The following ULK4 variants were observed in gnomAD, a reference collection of about 807,000 sequenced individuals.
ULK4 encodes inactive serine/threonine-protein kinase ULK4.
In ULK4, 133 loss-of-function variants were observed where a neutral mutation model predicts 160.6. That is an observed-to-expected ratio of 0.83 (90% confidence interval 0.72 to 0.96). ULK4 has a LOEUF of 0.96. ULK4 is among the 40% of genes least tolerant of loss of function. The pLI is 0.00. For synonymous variants in ULK4, 534 were observed against 539.8 expected, an observed-to-expected ratio of 0.99 and a Z score of 0.15; for missense variants, 1,580 against 1,499.5, an observed-to-expected ratio of 1.05 and a Z score of -0.89.
At chr3:41,369,293 G>C (rs900640357) in intron 35 of ULK4, among the ~76,000 whole-genome samples, 1 of 152,110 alleles carries the variant, frequency 6.6e-6, no homozygotes. Flanking sequence ...CCAGGAGTTC[G>C]AGACCTGGAC....
At chr3:41,835,792 G>T in intron 18 of ULK4, 72 bp downstream of exon 18, 1 of 1,154,436 alleles carries the variant, frequency 8.7e-7, no homozygotes, top group Non-Finnish European at 1.2e-6. Flanking sequence ...ACTTTTATAG[G>T]ATATTAATAC....
chr3:41,841,204 C>CACCT (rs2041914363), intron 17 of ULK4, among the ~76,000 whole-genome samples: 1 of 147,044 alleles, frequency 6.8e-6, no homozygotes, highest in Admixed American at 6.7e-5. Flanking sequence ...CCGGCCGCCC[C>CACCT]GCCTGGGAGG....
intron 35 of ULK4, among the ~76,000 whole-genome samples, chr3:41,390,382 T>C (rs1029634702): frequency 6.6e-6 from 1 of 152,186 alleles, no homozygotes; most frequent in Non-Finnish European, 1.5e-5. Flanking sequence ...TCTGCTCTGA[T>C]CTTAGTTATT....
At position 41,883,914 on chromosome 3, in the gene ULK4, GA is replaced by G. The variant is rs1559627901; in HGVS notation, c.1615del (p.Ser539ArgfsTer19). On this transcript the variant is annotated frameshift_variant, in exon 17 of 37. Transcript: ENST00000301831. LOFTEE classifies it high-confidence loss of function. Reference sequence around the variant, plus strand: ...ATTTTCCTGGAGCTCAGCTGTGTGCGAAGCCAGTAAACCAATTACGTGAGCA... The same window carrying G: ...ATTTTCCTGGAGCTCAGCTGTGTGCGAGCCAGTAAACCAATTACGTGAGCA... ...KVAHVIGLLA[S>X]HTAELQENTP... 1.2e-6 allele frequency: 2 copies of G among 1,610,652 alleles called. No homozygotes were observed. Among genetic ancestry groups the G allele is most frequent in the Non-Finnish European group, 8.5e-7 (1 of 1,176,772 alleles).
At chr3:41,340,222 A>G (rs2125749623) in intron 35 of ULK4, among the ~76,000 whole-genome samples, 1 of 152,364 alleles carries the variant, frequency 6.6e-6, no homozygotes, top group East Asian at 1.9e-4. Context: ...AGAGAGAAAA[A>G]TAGTTTTATT....
intron 18 of ULK4, among the ~76,000 whole-genome samples, chr3:41,830,333 T>G (rs9831404): frequency 0.25 from 38,649 of 151,880 alleles, 6,096 homozygotes; most frequent in African/African-American, 0.45. Context: ...TTACTCTCTA[T>G]ATCTACTTTT....
chr3:41,891,892 G>T (rs141118157), intron 16 of ULK4, among the ~76,000 whole-genome samples: 1 of 152,078 alleles, frequency 6.6e-6, no homozygotes, highest in African/African-American at 2.4e-5. Context: ...GTGACTGAGC[G>T]AGACTCCGTC....
At chr3:41,433,671 C>A (rs1285149343) in intron 34 of ULK4, among the ~76,000 whole-genome samples, 7 of 152,310 alleles carry the variant, frequency 4.6e-5, no homozygotes, top group Non-Finnish European at 8.8e-5. Flanking sequence ...AATAGTTATA[C>A]AGATTGAGCA....
At chr3:41,409,187 C>G (rs543742784) in intron 34 of ULK4, among the ~76,000 whole-genome samples, 1 of 152,010 alleles carries the variant, frequency 6.6e-6, no homozygotes, top group East Asian at 1.9e-4. Flanking sequence ...GCCCAGGAGG[C>G]GGAGGTTGCA....
intron 25 of ULK4, among the ~76,000 whole-genome samples, chr3:41,705,705 C>G (rs1056029189): frequency 1.3e-5 from 2 of 151,984 alleles, no homozygotes; most frequent in African/African-American, 4.8e-5. Flanking sequence ...ATGTTGGTCA[C>G]GCTGGTCTCA....
At chr3:41,627,522 T>C (rs2033572131) in intron 30 of ULK4, among the ~76,000 whole-genome samples, 1 of 152,212 alleles carries the variant, frequency 6.6e-6, no homozygotes, top group African/African-American at 2.4e-5. Flanking sequence ...GGATTCTCCA[T>C]CTCCATCTAC....
At chr3:41,843,618 G>A (rs768800042) in intron 17 of ULK4, among the ~76,000 whole-genome samples, 2 of 152,154 alleles carry the variant, frequency 1.3e-5, no homozygotes, top group Non-Finnish European at 2.9e-5. Context: ...CCTGGCTTCA[G>A]GAGTGAAGCT....
At chr3:41,644,173 A>T (rs1430651392) in intron 30 of ULK4, among the ~76,000 whole-genome samples, 2 of 152,152 alleles carry the variant, frequency 1.3e-5, no homozygotes, top group African/African-American at 4.8e-5. Context: ...TCCTAATTGA[A>T]TACCCTTTAT....
chr3:41,802,242 T>A (rs1020851291), intron 19 of ULK4, among the ~76,000 whole-genome samples: 6 of 152,166 alleles, frequency 3.9e-5, no homozygotes, highest in Admixed American at 3.3e-4. Context: ...AATATGTGAA[T>A]AAATATAATA....
intron 32 of ULK4, among the ~76,000 whole-genome samples, chr3:41,509,958 T>G (rs1430511638): frequency 2.0e-5 from 3 of 152,126 alleles, no homozygotes; most frequent in Non-Finnish European, 4.4e-5. Flanking sequence ...GCAAGATGAA[T>G]AGAATAGTAC....
chr3:41,852,109 C>T (rs2125674505), intron 17 of ULK4, among the ~76,000 whole-genome samples: 1 of 152,208 alleles, frequency 6.6e-6, no homozygotes, highest in Admixed American at 6.5e-5. Flanking sequence ...CTATAAATAC[C>T]TCTACGCAAA....
chr3:41,955,874 A>G (rs1700465896), intron 1 of ULK4: 1 of 152,156 alleles, frequency 6.6e-6, no homozygotes, highest in Admixed American at 6.5e-5. Flanking sequence ...ATTTTATCCA[A>G]TGTGTCTCCA....
intron 32 of ULK4, among the ~76,000 whole-genome samples, chr3:41,467,467 T>C (rs1186575029): frequency 1.3e-5 from 2 of 152,074 alleles, no homozygotes; most frequent in African/African-American, 2.4e-5. Flanking sequence ...GCAGAAGTTG[T>C]AGTGAGCTGA....
At chr3:41,951,855 A>G (rs1453718493) in intron 2 of ULK4, among the ~76,000 whole-genome samples, 1 of 152,226 alleles carries the variant, frequency 6.6e-6, no homozygotes, top group African/African-American at 2.4e-5. Context: ...ATGTGGGAAC[A>G]CATAAAAGGC....
Sources: gnomAD v4.1 joint callset for allele counts (sites outside exome capture counted in the v4.1 genomes callset) on GRCh38, gnomAD v4.1.1 for gene constraint, MANE v1.5 for transcripts, NCBI Gene and HGNC (gene_info 2026-07-23, HGNC 2026-07-21) for gene names.